The following TDRD3 variants were observed in gnomAD, a reference collection of about 807,000 sequenced individuals.
The protein encoded by TDRD3 is tudor domain-containing protein 3.
TDRD3 carries 45 observed loss-of-function variants against 86.7 expected under a neutral mutation model. The ratio of observed to expected loss-of-function variants is 0.52; its 90% confidence interval spans 0.41 to 0.67. The LOEUF (loss-of-function observed/expected upper bound fraction) is 0.67. Ranked by LOEUF, TDRD3 falls within the 30% of genes least tolerant of loss-of-function variation. TDRD3 has a pLI of 0.00. For missense variants in TDRD3, 814 were observed against 889.0 expected (o/e 0.92, Z 1.07); for synonymous variants, 298 against 301.7 (o/e 0.99, Z 0.13).
At chr13:60,533,569 A>T (rs1368480840) in intron 11 of TDRD3, among the ~76,000 whole-genome samples, 2 of 152,100 alleles carry the variant, frequency 1.3e-5, no homozygotes, top group Non-Finnish European at 2.9e-5. Flanking sequence ...GGAACCCGAG[A>T]GGCGGAGGTT....
chr13:60,535,372 G>GC, intron 12 of TDRD3, 139 bp downstream of exon 12: 1 of 889,798 alleles, frequency 1.1e-6, no homozygotes, highest in Non-Finnish European at 1.6e-6. Flanking sequence ...CCTAAAGTAA[G>GC]ATTTTAATTC....
At position 60,397,310 on chromosome 13, in the gene TDRD3, G is replaced by T; in HGVS notation, c.-55G>T. 1.0e-6 allele frequency: 1 copy of T among 968,716 alleles called. No homozygotes were observed. Among genetic ancestry groups the T allele is most frequent in the East Asian group, 3.1e-5 (1 of 32,084 alleles). 60.0% of individuals were successfully genotyped at this position (968,716 alleles called of 1,614,324 possible). ...TAAGGGGGGGGGTCTCAAGTAGGAG[G>T]CCTCCCCATCACCCCCACCCCAGCC... On this transcript the variant is annotated 5_prime_UTR_variant, in exon 1 of 14. Coordinates refer to ENST00000377881, the MANE Select transcript of TDRD3 (RefSeq NM_001146070.2).
intron 5 of TDRD3, among the ~76,000 whole-genome samples, chr13:60,481,947 T>C (rs1432930189): frequency 6.6e-6 from 1 of 152,182 alleles, no homozygotes; most frequent in Non-Finnish European, 1.5e-5. Context: ...TTGAAAGGAG[T>C]ATCTAGCATA....
In TDRD3 at chr13:60,528,666, A is replaced by G; in HGVS notation, c.1441A>G (p.Lys481Glu). Residue 481 changes from lysine (K) to glutamate (E), a missense_variant, in exon 11 of 14, where the codon AAA (lysine) becomes GAA (glutamate). Transcript: ENST00000377881. ...DRPYSRYDRTKDTSYPLGSQH... is the reference protein window; with the variant it reads ...DRPYSRYDRTEDTSYPLGSQH... ...ACCGTATTCTAGATATGACAGAACT[A>G]AAGATACTTCATATCCTTTAGGTTC... is the stretch of plus-strand genomic sequence containing the variant. The G allele has an allele frequency of 6.2e-7, 1 of 1,613,964 alleles. No individual in the cohort carries two copies. Among genetic ancestry groups the G allele is most frequent in the Non-Finnish European group, 8.5e-7 (1 of 1,179,886 alleles).
intron 2 of TDRD3, among the ~76,000 whole-genome samples, chr13:60,442,026 CCTT>C (rs1444892703): frequency 1.3e-5 from 2 of 152,150 alleles, no homozygotes; most frequent in Non-Finnish European, 2.9e-5. Flanking sequence ...CTAGGGCTAA[CCTT>C]GTAAGCTGGC....
At chr13:60,502,402 C>T (rs1357860672) in intron 8 of TDRD3, among the ~76,000 whole-genome samples, 1 of 152,192 alleles carries the variant, frequency 6.6e-6, no homozygotes, top group Non-Finnish European at 1.5e-5. Context: ...CATAATTTTT[C>T]TCTCTCTAGT....
chr13:60,526,676 A>G (rs561245902), intron 10 of TDRD3, among the ~76,000 whole-genome samples: 1 of 148,228 alleles, frequency 6.7e-6, no homozygotes, highest in Non-Finnish European at 1.5e-5. Context: ...GAAATCTTAT[A>G]TCTTAGAAAA....
intron 12 of TDRD3, among the ~76,000 whole-genome samples, chr13:60,561,902 A>T (rs1476412329): frequency 6.6e-6 from 1 of 150,608 alleles, no homozygotes; most frequent in South Asian, 2.1e-4. Context: ...TGTTTGTAGT[A>T]GAACTACAAA....
intron 12 of TDRD3, among the ~76,000 whole-genome samples, chr13:60,550,708 C>T (rs1226051509): frequency 1.3e-5 from 2 of 152,040 alleles, no homozygotes; most frequent in Non-Finnish European, 2.9e-5. Flanking sequence ...GCTAGTTTCG[C>T]ATTTTGTGTT....
chr13:60,412,271 T>A (rs373874007), intron 1 of TDRD3, among the ~76,000 whole-genome samples: 1 of 152,346 alleles, frequency 6.6e-6, no homozygotes, highest in South Asian at 2.1e-4. Flanking sequence ...TTCAGTGATA[T>A]TGTTCAGCTT....
chr13:60,503,181 G>A (rs541656558), intron 8 of TDRD3, among the ~76,000 whole-genome samples: 146 of 152,262 alleles, frequency 9.6e-4, no homozygotes, highest in Admixed American at 2.4e-3. Context: ...TGATACTTGT[G>A]AACATTTCAG....
At chr13:60,503,575 A>C (rs558407145) in intron 8 of TDRD3, among the ~76,000 whole-genome samples, 1 of 152,268 alleles carries the variant, frequency 6.6e-6, no homozygotes, top group South Asian at 2.1e-4. Context: ...ATGCCAAACA[A>C]TCCTGTTTAT....
chr13:60,447,821 T>C (rs1955440564), intron 3 of TDRD3, among the ~76,000 whole-genome samples: 1 of 152,048 alleles, frequency 6.6e-6, no homozygotes, highest in South Asian at 2.1e-4. Flanking sequence ...GGCCCAGTAT[T>C]TAAGAAGCAA....
intron 11 of TDRD3, 27 bp downstream of exon 11, chr13:60,529,244 A>G (rs199548177): frequency 3.9e-6 from 6 of 1,527,996 alleles, no homozygotes; most frequent in East Asian, 4.5e-5. Context: ...GATATTATAC[A>G]CTAATATTAC....
intron 4 of TDRD3, among the ~76,000 whole-genome samples, chr13:60,462,001 C>G (rs1174243027): frequency 6.6e-6 from 1 of 152,162 alleles, no homozygotes; most frequent in Non-Finnish European, 1.5e-5. Context: ...GATTTCCCTT[C>G]TTTTTTCTTC....
intron 10 of TDRD3, among the ~76,000 whole-genome samples, chr13:60,513,339 A>G (rs892099776): frequency 2.0e-5 from 3 of 152,306 alleles, no homozygotes; most frequent in East Asian, 3.9e-4. Flanking sequence ...GAGGGGTTCC[A>G]TGAAGACCTC....
chr13:60,472,373 T>C (rs1045420184), intron 5 of TDRD3, among the ~76,000 whole-genome samples: 1 of 152,154 alleles, frequency 6.6e-6, no homozygotes, highest in Non-Finnish European at 1.5e-5. Flanking sequence ...TGTACAGTAG[T>C]TTAAAACACA....
At chr13:60,395,547 T>C (rs1594878833), upstream of TDRD3, among the ~76,000 whole-genome samples, 1 of 152,228 alleles carries the variant, frequency 6.6e-6, no homozygotes, top group Non-Finnish European at 1.5e-5. Context: ...TACTTTATTA[T>C]TGTAAGGACC....
chr13:60,433,828 A>G (rs1418902662), intron 1 of TDRD3, among the ~76,000 whole-genome samples: 1 of 152,204 alleles, frequency 6.6e-6, no homozygotes. Context: ...CCGTTTCATT[A>G]TCTATACATT....
Sources: allele counts gnomAD v4.1 joint callset (sites outside exome capture counted in the v4.1 genomes callset), GRCh38; gene constraint gnomAD v4.1.1; transcripts MANE v1.5; gene names NCBI Gene and HGNC (gene_info 2026-07-23, HGNC 2026-07-21).